The following ZNF143 variants were observed in gnomAD, a reference collection of about 807,000 sequenced individuals.
ZNF143 encodes SPH-binding factor.
ZNF143 carries 49 observed loss-of-function variants against 74.1 expected under a neutral mutation model. The observed-to-expected ratio is 0.66, with a 90% CI of 0.53 to 0.84. The LOEUF (loss-of-function observed/expected upper bound fraction) is 0.84. Ranked by LOEUF, ZNF143 falls within the 40% of genes least tolerant of loss-of-function variation. The pLI, the probability that ZNF143 is intolerant of heterozygous loss-of-function variation, is 0.00. For missense variants in ZNF143, 637 were observed against 793.4 expected, an observed-to-expected ratio of 0.80 and a Z score of 2.37; for synonymous variants, 304 against 282.8, an observed-to-expected ratio of 1.07 and a Z score of -0.75.
chr11:9,512,938 G>C (rs1417015550), intron 13 of ZNF143, among the ~76,000 whole-genome samples: 2 of 152,160 alleles, frequency 1.3e-5, no homozygotes, highest in African/African-American at 2.4e-5. Flanking sequence ...CAGGAGGTGA[G>C]ATTGAGAAAA....
intron 7 of ZNF143, among the ~76,000 whole-genome samples, chr11:9,491,637 CAA>C (rs879318585): frequency 7.3e-6 from 1 of 137,762 alleles, no homozygotes; most frequent in Non-Finnish European, 1.6e-5. Flanking sequence ...GACTCCGTCT[CAA>C]AAAAAAAAAA....
At chr11:9,510,360 G>A (rs1408416357) in intron 12 of ZNF143, among the ~76,000 whole-genome samples, 4 of 151,964 alleles carry the variant, frequency 2.6e-5, no homozygotes, top group Admixed American at 6.6e-5. Context: ...TCCTGACCTC[G>A]TGATCCGCCC....
chr11:9,474,071 T>C, intron 4 of ZNF143, 47 bp downstream of exon 4: 1 of 1,473,882 alleles, frequency 6.8e-7, no homozygotes, highest in South Asian at 1.1e-5. Context: ...AATTCTCAGC[T>C]TTTAGTATTT....
intron 11 of ZNF143, among the ~76,000 whole-genome samples, chr11:9,503,164 G>C (rs1387942706): frequency 1.3e-5 from 2 of 152,118 alleles, no homozygotes; most frequent in African/African-American, 4.8e-5. Context: ...CCATGTTGTA[G>C]CAACTTTTAA....
At chr11:9,511,531 T>G (rs867835287) in intron 12 of ZNF143, among the ~76,000 whole-genome samples, 26 of 151,252 alleles carry the variant, frequency 1.7e-4, no homozygotes, top group Admixed American at 2.0e-4. Context: ...CTCGATCTCC[T>G]GACCTCATGA....
intron 10 of ZNF143, among the ~76,000 whole-genome samples, chr11:9,500,334 T>G (rs1848114281): frequency 6.7e-6 from 1 of 149,240 alleles, no homozygotes; most frequent in East Asian, 1.9e-4. Context: ...AGATTTTCTT[T>G]TTTTTTTTTT....
intron 5 of ZNF143, among the ~76,000 whole-genome samples, chr11:9,477,966 C>T (rs1183410536): frequency 6.6e-6 from 1 of 152,176 alleles, no homozygotes; most frequent in Non-Finnish European, 1.5e-5. Context: ...GCTGGGAATA[C>T]AGGCGCGTGC....
At chr11:9,505,260 C>G (rs1848320043) in intron 11 of ZNF143, among the ~76,000 whole-genome samples, 1 of 146,464 alleles carries the variant, frequency 6.8e-6, no homozygotes, top group South Asian at 2.3e-4. Context: ...GCGTGAGCCA[C>G]CATGCCTGGC....
At chr11:9,500,130 A>G (rs1475412771) in intron 10 of ZNF143, among the ~76,000 whole-genome samples, 1 of 151,878 alleles carries the variant, frequency 6.6e-6, no homozygotes, top group Non-Finnish European at 1.5e-5. Context: ...TTTTTTTTGT[A>G]GAGACGGGGT....
At position 9,494,750 on chromosome 11, in the gene ZNF143, A is replaced by T; in HGVS notation, c.750A>T (p.Thr250=). 1.2e-6 allele frequency: 2 copies of T among 1,609,990 alleles called. No homozygotes were observed. Among genetic ancestry groups the T allele is most frequent in the Non-Finnish European group, 1.7e-6 (2 of 1,176,270 alleles). Residue 250 remains threonine (T), a synonymous_variant, in exon 8 of 16, where the codon ACA becomes ACT. Coordinates refer to ENST00000396602, the MANE Select transcript of ZNF143 (RefSeq NM_003442.6). ...ATGGATGTGGAAAATTATATACAAC[A>T]GCTCATCATCTCAAGGTATATATAA... The part of the protein sequence containing the change: ...EYDGCGKLYT[T]AHHLKVHERS...
chr11:9,478,813 C>G (rs992956707), intron 6 of ZNF143, among the ~76,000 whole-genome samples: 13 of 151,444 alleles, frequency 8.6e-5, no homozygotes, highest in Non-Finnish European at 1.6e-4. Flanking sequence ...AAAAAAAAGA[C>G]ACTAGCAACT....
At chr11:9,506,632 GT>G (rs954396988) in intron 11 of ZNF143, among the ~76,000 whole-genome samples, 1 of 152,194 alleles carries the variant, frequency 6.6e-6, no homozygotes, top group Non-Finnish European at 1.5e-5. Context: ...TTAGTAGACT[GT>G]TTTGAGAATA....
chr11:9,501,956 G>A (rs1848177888), intron 11 of ZNF143, among the ~76,000 whole-genome samples: 1 of 98,872 alleles, frequency 1.0e-5, no homozygotes, highest in East Asian at 2.8e-4. Flanking sequence ...TTTTTTTTGG[G>A]ATGGAGTTTC....
intron 8 of ZNF143, among the ~76,000 whole-genome samples, chr11:9,495,313 T>C (rs926924392): frequency 6.6e-6 from 1 of 152,086 alleles, no homozygotes; most frequent in Non-Finnish European, 1.5e-5. Context: ...CAGTGGCAGG[T>C]GCCTGTAATC....
rs1848490045 is a variant in ZNF143 at position 9,510,136 on chromosome 11, T to TA, written c.1375+1291dup. Among the ~76,000 whole-genome samples the TA allele has an allele frequency of 3.3e-5, 5 of 150,756 alleles. No individual in the cohort carries two copies. The South Asian group carries it at 1.0e-3, about 32-fold the overall frequency. On this transcript the variant is annotated intron_variant, in intron 12 of 15. Coordinates refer to ENST00000396602, the MANE Select transcript of ZNF143 (RefSeq NM_003442.6). ...TCCTATATTCTTTTTTTTTTTTTTT[T>TA]ATTTTTGAGATGGAGTCTCGCTCTG...
At chr11:9,515,499 A>C (rs949519277) in intron 13 of ZNF143, among the ~76,000 whole-genome samples, 1 of 151,664 alleles carries the variant, frequency 6.6e-6, no homozygotes, top group Non-Finnish European at 1.5e-5. Flanking sequence ...AACACACAAA[A>C]AAAAATTAGC....
intron 1 of ZNF143, among the ~76,000 whole-genome samples, chr11:9,466,447 C>T (rs1231881634): frequency 6.6e-6 from 1 of 151,176 alleles, no homozygotes; most frequent in Non-Finnish European, 1.5e-5. Flanking sequence ...AGGCGTCTGC[C>T]ACCACGCCTG....
chr11:9,520,147 C>T (rs1589950564), intron 14 of ZNF143, among the ~76,000 whole-genome samples: 1 of 148,334 alleles, frequency 6.7e-6, no homozygotes, highest in Admixed American at 6.9e-5. Context: ...AGTGATTCTC[C>T]TGCCTCGGCC....
chr11:9,492,957 G>A (rs933452119), intron 7 of ZNF143, among the ~76,000 whole-genome samples: 1 of 152,114 alleles, frequency 6.6e-6, no homozygotes, highest in Non-Finnish European at 1.5e-5. Flanking sequence ...CCTCATGGAA[G>A]TAGGGAGATG....
Sources: gnomAD v4.1 joint callset for allele counts (sites outside exome capture counted in the v4.1 genomes callset) on GRCh38, gnomAD v4.1.1 for gene constraint, MANE v1.5 for transcripts, NCBI Gene and HGNC (gene_info 2026-07-23, HGNC 2026-07-21) for gene names.